KMT2B: variants seen among roughly 807,000 people sequenced by gnomAD.
The protein encoded by KMT2B is lysine methyltransferase 2B, also known as histone-lysine N-methyltransferase 2B.
A neutral mutation model predicts 255.3 loss-of-function variants in KMT2B; 22 were observed. The ratio of observed to expected loss-of-function variants is 0.09; its 90% CI spans 0.06 to 0.12. The LOEUF is 0.12. Among genes scored for constraint, KMT2B ranks in the 10% least tolerant of loss-of-function variants. The pLI, the probability that KMT2B is intolerant of heterozygous loss-of-function variation, is 1.00. For synonymous variants in KMT2B, 1,730 were observed against 1,498.1 expected (o/e 1.15, Z -3.57); for missense variants, 3,149 against 3,737.0 (o/e 0.84, Z 4.10).
intron 26 of KMT2B, 88 bp downstream of exon 26, chr19:35,730,955 C>A: frequency 7.2e-7 from 1 of 1,393,078 alleles, no homozygotes; most frequent in Non-Finnish European, 9.5e-7. Context: ...TTTGGAAAGT[C>A]CAGGAGGCTT....
intron 14 of KMT2B, among the ~76,000 whole-genome samples, chr19:35,726,697 C>T (rs978679537): frequency 2.0e-5 from 3 of 152,152 alleles, no homozygotes; most frequent in African/African-American, 7.2e-5. Context: ...GAGGCCTCAT[C>T]CTAAGGCCGA....
rs952024560 is a variant in KMT2B at position 35,722,591 on chromosome 19, T to C, written c.2595T>C (p.Gly865=). 6.2e-7 allele frequency: 1 copy of C among 1,609,854 alleles called. No individual in the cohort carries two copies. The highest frequency in any genetic ancestry group is 8.5e-7 in the Non-Finnish European group (1 of 1,178,530). Residue 865 remains glycine (G), a synonymous_variant, in exon 5 of 37, where the codon GGT becomes GGC. Transcript: ENST00000420124. The stretch of plus-strand genomic sequence containing the variant: ...AGGGTCCCGAGTCCCCTGTGCAAGG[T>C]CCCCGCATCAAACATGTCTGCCGTC... ...RPSGPESPVQ[G]PRIKHVCRHA... is the part of the protein sequence containing the mutation.
Position 35,719,827 on chromosome 19 carries a change from C to A in KMT2B, c.480C>A (p.Pro160=), listed in dbSNP as rs1484952840. 1 of 1,610,978 alleles carries A rather than the reference C, an allele frequency of 6.2e-7. No individual in the cohort carries two copies. Among genetic ancestry groups the A allele is most frequent in the Non-Finnish European group, 8.5e-7 (1 of 1,178,908 alleles). ...RGRGRKHKTT[P]LPPPRLADVA... ...GGGGTCGCAAGCATAAGACGACCCC[C>A]CTTCCTCCTCCTCGCCTAGCAGATG... The change falls in exon 3 of 37, where the codon CCC becomes CCA. Residue 160 remains proline (P), a synonymous_variant. Transcript: ENST00000420124.
In KMT2B at chr19:35,732,599, A is replaced by T. The variant is rs1419052401; in HGVS notation, c.6050A>T (p.His2017Leu). 1.9e-6 allele frequency: 3 copies of T among 1,612,930 alleles called. No individual in the cohort carries two copies. The African/African-American group carries it at 4.0e-5, about 22-fold the overall frequency. Residue 2017 changes from histidine to leucine, a missense_variant, in exon 28 of 37, where the codon CAC (histidine) becomes CTC (leucine). Physicochemically the swap from His to Leu is moderately conservative, Grantham distance 99. This residue lies in a region of KMT2B where 897 missense variants were observed against 825.3 expected (regional missense o/e 1.09). Coordinates refer to ENST00000420124, the MANE Select transcript of KMT2B (RefSeq NM_014727.3). ...IVAAGAMGSS[H>L]GGPGDSSEEE... ...GCCGCTGGGGCCATGGGGAGCAGCC[A>T]CGGGGGCCCGGGGGACAGCTCCGAG...
chr19:35,722,003 C>CTTT lies in KMT2B; in HGVS notation c.2457+213_2457+215dup, dbSNP rs55836857. Reference sequence around the variant, plus strand: ...GTGCTAGTTCCCTGTCCCTATCTTCCTTTTTTTTTTTTTTTTATTTTTGAG... The same window carrying CTTT: ...GTGCTAGTTCCCTGTCCCTATCTTCCTTTTTTTTTTTTTTTTTTTATTTTTGAG... On this transcript the variant is annotated intron_variant, in intron 3 of 36. Coordinates refer to ENST00000420124, the MANE Select transcript of KMT2B (RefSeq NM_014727.3). Among the ~76,000 whole-genome samples the CTTT allele has an allele frequency of 2.2e-5, 3 of 134,622 alleles. 1 individual carries two copies. Among genetic ancestry groups the CTTT allele is most frequent in the African/African-American group, 6.0e-5 (2 of 33,342 alleles). 88.3% of individuals were successfully genotyped at this position (134,622 alleles called of 152,430 possible). A position where few individuals can be genotyped will look rare whatever the true frequency, so the allele number is the denominator to read the frequency against.
Position 35,727,911 on chromosome 19 carries a change from C to A in KMT2B, c.4423C>A (p.Leu1475Ile). 6.2e-7 allele frequency: 1 copy of A among 1,602,528 alleles called. No individual in the cohort carries two copies. The highest frequency in any genetic ancestry group is 8.5e-7 in the Non-Finnish European group (1 of 1,172,674). ...CTTCATGGAGGACATGGTGGGCATC[C>A]TCATGCGGCACTCGGAGGAGGGAGA... ...HSFMEDMVGI[L>I]MRHSEEGETP... The change falls in exon 18 of 37, where the codon CTC becomes ATC. Residue 1475 changes from leucine (L) to isoleucine (I), a missense_variant. Transcript: ENST00000420124. This position sits in a 1 kb window ranked among gnomAD's most constrained non-coding sequence, Gnocchi z 4.2.
rs1969285831 is a variant in KMT2B at position 35,723,057 on chromosome 19, G to T, written c.2785G>T (p.Ala929Ser). The change falls in exon 6 of 37, where the codon GCA becomes TCA. Residue 929 changes from alanine (A) to serine (S), a missense_variant. Coordinates refer to ENST00000420124, the MANE Select transcript of KMT2B (RefSeq NM_014727.3). This position sits in a 1 kb window ranked among gnomAD's most constrained non-coding sequence, Gnocchi z 7.5. Reference protein sequence around the residue: ...PSRSRRGKVEAAGPGGESEPT... With the variant: ...PSRSRRGKVESAGPGGESEPT... Reference sequence around the variant, plus strand: ...ACGGTCCCGGCGGGGAAAGGTGGAGGCAGCAGGCCCTGGGGGAGAATCAGA... The same window carrying T: ...ACGGTCCCGGCGGGGAAAGGTGGAGTCAGCAGGCCCTGGGGGAGAATCAGA... The T allele has an allele frequency of 2.5e-6, 4 of 1,612,440 alleles. 1 individual carries two copies. Among genetic ancestry groups the T allele is most frequent in the Admixed American group, 3.3e-5 (2 of 59,944 alleles).
rs557318556 is a variant in KMT2B at position 35,730,634 on chromosome 19, TC to T, written c.5276+20del. 4.2e-4 allele frequency: 682 copies of T among 1,613,896 alleles called. 2 individuals are homozygous for T. In the African/African-American group the frequency reaches 8.4e-3, roughly 20 times the overall value. The stretch of plus-strand genomic sequence containing the variant: ...GGCTACCAGTGAGCGGTCGGGGTGA[TC>T]CATGGGGCCAGGGGACTCCATAGCT... On this transcript the variant is annotated intron_variant, in intron 25 of 36. Coordinates refer to ENST00000420124, the MANE Select transcript of KMT2B (RefSeq NM_014727.3).
At position 35,737,877 on chromosome 19, in the gene KMT2B, G is replaced by C. The variant is rs756387340; in HGVS notation, c.7677G>C (p.Glu2559Asp). Residue 2559 changes from glutamate to aspartate, a missense_variant, in exon 35 of 37, where the codon GAG becomes GAC. Glu to Asp is a conservative substitution (Grantham distance 45, BLOSUM62 2). Transcript: ENST00000420124. This position sits in a 1 kb window ranked among gnomAD's most constrained non-coding sequence, Gnocchi z 5.3. Reference sequence around the variant, plus strand: ...TCACCAGACGTGCCACCAGCCTGGAGCTGCCCATGGCCATGCGTTTTCGTC... The same window carrying C: ...TCACCAGACGTGCCACCAGCCTGGACCTGCCCATGGCCATGCGTTTTCGTC... ...LRSTRRATSL[E>D]LPMAMRFRHL... is the part of the protein sequence containing the mutation. 1 of 1,576,476 alleles carries C rather than the reference G, an allele frequency of 6.3e-7. No homozygotes were observed. Among genetic ancestry groups the C allele is most frequent in the East Asian group, 2.3e-5 (1 of 42,974 alleles).
At position 35,736,974 on chromosome 19, in the gene KMT2B, C is replaced by G; in HGVS notation, c.7360C>G (p.Leu2454Val). 5 of 1,613,730 alleles carry G rather than the reference C, an allele frequency of 3.1e-6. No homozygotes were observed. Among genetic ancestry groups the G allele is most frequent in the Non-Finnish European group, 4.2e-6 (5 of 1,179,766 alleles). ...EARGHARLRH[L>V]SFSGMSGARL... ...CCGAGGGCATGCCCGACTCAGACATCTCTCCTTTAGTGGTAAGGAGTGGGC... is the reference window on the plus strand; with the variant it reads ...CCGAGGGCATGCCCGACTCAGACATGTCTCCTTTAGTGGTAAGGAGTGGGC... Residue 2454 changes from leucine (L) to valine (V), a missense_variant, in exon 32 of 37, where the codon CTC (leucine) becomes GTC (valine). Leu to Val is a conservative substitution (Grantham distance 32). This residue lies in a region of KMT2B where 103 missense variants were observed against 200.7 expected (regional missense o/e 0.51). Transcript: ENST00000420124.
intron 23 of KMT2B, 96 bp from the exon 24 acceptor site, chr19:35,730,246 A>G (rs1463632484): frequency 6.3e-7 from 1 of 1,595,908 alleles, no homozygotes; most frequent in Non-Finnish European, 8.6e-7. Context: ...CTGTTTTCCC[A>G]GAGGCCTTTA....
rs998969676 is a variant in KMT2B at position 35,738,041 on chromosome 19, C to T, written c.7743-21C>T. On this transcript the variant is annotated intron_variant, in intron 35 of 36. Transcript: ENST00000420124. This position sits in a 1 kb window ranked among gnomAD's most constrained non-coding sequence, Gnocchi z 8.7. ...TTCTGTCCCCCTCCCCCCTGAGTTC[C>T]CTGTTCATCCTGCCCTGCAGATCAG... The T allele has an allele frequency of 2.3e-5, 37 of 1,613,700 alleles. No homozygotes were observed. The highest frequency in any genetic ancestry group is 3.0e-5 in the Non-Finnish European group (35 of 1,179,824).
In KMT2B at chr19:35,730,479, C is replaced by A; in HGVS notation, c.5197+17C>A. 6.2e-7 allele frequency: 1 copy of A among 1,614,016 alleles called. No individual in the cohort carries two copies. Among genetic ancestry groups the A allele is most frequent in the South Asian group, 1.1e-5 (1 of 91,086 alleles). ...TGCTCATTGGTAAGCTGCCTGCTCT[C>A]CGCCCTGTCCTCCTACCCTGTCCTG... is the stretch of plus-strand genomic sequence containing the variant. On this transcript the variant is annotated intron_variant, in intron 24 of 36. Transcript: ENST00000420124.
intron 30 of KMT2B, 87 bp from the exon 31 acceptor site, chr19:35,736,603 G>A: frequency 6.7e-7 from 1 of 1,502,682 alleles, no homozygotes; most frequent in South Asian, 1.2e-5. Flanking sequence ...GGTGGAGAGA[G>A]TGGTGTCTGC....
At position 35,733,899 on chromosome 19, in the gene KMT2B, C is replaced by T. The variant is rs1023514879; in HGVS notation, c.7159+27C>T. 5 of 1,524,974 alleles carry T rather than the reference C, an allele frequency of 3.3e-6. No individual in the cohort carries two copies. Among genetic ancestry groups the T allele is most frequent in the African/African-American group, 1.4e-5 (1 of 72,574 alleles). 94.5% of individuals were successfully genotyped at this position (1,524,974 alleles called of 1,614,324 possible). On this transcript the variant is annotated intron_variant, in intron 30 of 36. Transcript: ENST00000420124. The surrounding 1 kb of genome is among the most constrained non-coding windows in gnomAD (Gnocchi z 4.3). ...TAGGGACCGGCCTTGCCCTCTCCCT[C>T]CTTGCCTGTGCCTGGCTCAGCTGGG...
In KMT2B at chr19:35,732,308, C is replaced by T. The variant is rs1269864136; in HGVS notation, c.5759C>T (p.Ala1920Val). 2.5e-6 allele frequency: 4 copies of T among 1,611,082 alleles called. No individual in the cohort carries two copies. The highest frequency in any genetic ancestry group is 3.4e-6 in the Non-Finnish European group (4 of 1,178,774). The change falls in exon 28 of 37, where the codon GCT becomes GTT. Residue 1920 changes from alanine (A) to valine (V), a missense_variant. Physicochemically the swap from Ala to Val is moderately conservative, Grantham distance 64. Coordinates refer to ENST00000420124, the MANE Select transcript of KMT2B (RefSeq NM_014727.3). ...CGTTCCCGTCGTCCCAGCCCTTTGGCTCCCAGGCCGCCTCCATCACGGTGG... is the reference window on the plus strand; with the variant it reads ...CGTTCCCGTCGTCCCAGCCCTTTGGTTCCCAGGCCGCCTCCATCACGGTGG... ...PRRSRRPSPL[A>V]PRPPPSRWAS... is the part of the protein sequence containing the mutation.
intron 5 of KMT2B, 136 bp downstream of exon 5, chr19:35,722,854 G>A (rs975659877): frequency 3.5e-6 from 5 of 1,417,254 alleles, no homozygotes; most frequent in Non-Finnish European, 1.9e-6. Context: ...GGAGTGCTAG[G>A]TCCTAGAGCA....
At position 35,720,453 on chromosome 19, in the gene KMT2B, A is replaced by G. The variant is rs369065472; in HGVS notation, c.1106A>G (p.Lys369Arg). 1.6e-5 allele frequency: 24 copies of G among 1,540,902 alleles called. No individual in the cohort carries two copies. The highest frequency in any genetic ancestry group is 2.0e-5 in the Non-Finnish European group (23 of 1,144,810). Residue 369 changes from lysine to arginine, a missense_variant, in exon 3 of 37, where the codon AAA (lysine) becomes AGA (arginine). By Grantham distance (26) the Lys-to-Arg change is conservative. Coordinates refer to ENST00000420124, the MANE Select transcript of KMT2B (RefSeq NM_014727.3). ...CTGGATGACGAGGAAGAAGAGAAGA[A>G]AGAAGAAGAAGAAAAAGACAAGGAG... ...QKLDDEEEEKKEEEEKDKEGE... is the reference protein window; with the variant it reads ...QKLDDEEEEKREEEEKDKEGE...
At position 35,736,833 on chromosome 19, in the gene KMT2B, T is replaced by TGGG. The variant is rs770194676; in HGVS notation, c.7297+10_7297+12dup. On this transcript the variant is annotated splice_region_variant and intron_variant, in intron 31 of 36. Coordinates refer to ENST00000420124, the MANE Select transcript of KMT2B (RefSeq NM_014727.3). ...TGAGGCAGAGAGCTTGGAGGGTGAG[T>TGGG]GGGGGGAGTGCAGTGGCAGGAGGGA... 6.2e-7 allele frequency: 1 copy of TGGG among 1,613,422 alleles called. No homozygotes were observed. The highest frequency in any genetic ancestry group is 1.1e-5 in the South Asian group (1 of 91,056).
Sources: gnomAD v4.1 joint callset for allele counts (sites outside exome capture counted in the v4.1 genomes callset) on GRCh38, gnomAD v4.1.1 for gene constraint, gnomAD v4.1.1 regional missense constraint, Gnocchi (gnomAD v3.1) non-coding constraint, MANE v1.5 for transcripts, NCBI Gene and HGNC (gene_info 2026-07-23, HGNC 2026-07-21) for gene names.